Variants in DDX10 observed in about 807,000 individuals in gnomAD.
DDX10 encodes the protein probable ATP-dependent RNA helicase DDX10.
DDX10 carries 74 observed loss-of-function variants against 104.3 expected under a neutral mutation model. The ratio of observed to expected loss-of-function variants is 0.71; its 90% CI spans 0.59 to 0.86. The LOEUF (loss-of-function observed/expected upper bound fraction) is 0.86, where lower values mean the gene tolerates loss of function less well. Among genes scored for constraint, DDX10 ranks in the 40% least tolerant of loss-of-function variants. The pLI is 0.00. For synonymous variants in DDX10, 351 were observed against 353.4 expected, an observed-to-expected ratio of 0.99 and a Z score of 0.08; for missense variants, 952 against 1,040.0, an observed-to-expected ratio of 0.92 and a Z score of 1.16.
At chr11:108,776,275 G>T (rs1445009645) in intron 13 of DDX10, among the ~76,000 whole-genome samples, 1 of 152,132 alleles carries the variant, frequency 6.6e-6, no homozygotes. Flanking sequence ...ATTTCTATCT[G>T]AGCTCCTTGG....
At chr11:108,794,884 T>C (rs1861918271) in intron 13 of DDX10, among the ~76,000 whole-genome samples, 1 of 89,436 alleles carries the variant, frequency 1.1e-5, no homozygotes, top group South Asian at 4.9e-4. Context: ...TGGAGTGCAG[T>C]GGCACCATTT....
chr11:108,687,448 T>G (rs1004147572), intron 6 of DDX10, among the ~76,000 whole-genome samples: 4 of 152,182 alleles, frequency 2.6e-5, no homozygotes, highest in Non-Finnish European at 5.9e-5. Context: ...TAGCTGGGAC[T>G]ATAGGCACAT....
chr11:108,735,217 G>T (rs1274937549), intron 13 of DDX10, among the ~76,000 whole-genome samples: 1 of 152,176 alleles, frequency 6.6e-6, no homozygotes, highest in Non-Finnish European at 1.5e-5. Flanking sequence ...TCTTTACCAT[G>T]AAAGTGTACA....
rs183676812 is a variant in DDX10, at chr11:108,898,736, C to T, written c.2305-19137C>T. Among the ~76,000 whole-genome samples the T allele has an allele frequency of 9.0e-4, 137 of 151,836 alleles. 1 individual carries two copies. The highest frequency in any genetic ancestry group is 3.2e-3 in the African/African-American group (134 of 41,412). On this transcript the variant is annotated intron_variant, in intron 16 of 17. Coordinates refer to ENST00000322536, the MANE Select transcript of DDX10 (RefSeq NM_004398.4). ...CCATATACAGAGACTGGGAGCCTGA[C>T]TGGTAAGAAATACTTACACTCTTGC...
At chr11:108,906,373 G>C (rs1471289466) in intron 16 of DDX10, among the ~76,000 whole-genome samples, 1 of 152,218 alleles carries the variant, frequency 6.6e-6, no homozygotes, top group Non-Finnish European at 1.5e-5. Flanking sequence ...TTGAGGATAT[G>C]ACTGCCAAAC....
chr11:108,878,600 A>G (rs1432860374), intron 16 of DDX10, among the ~76,000 whole-genome samples: 1 of 152,210 alleles, frequency 6.6e-6, no homozygotes, highest in Non-Finnish European at 1.5e-5. Context: ...TCTTATGACA[A>G]AGACTTCCTA....
chr11:108,773,528 C>T (rs2094366032), intron 13 of DDX10, among the ~76,000 whole-genome samples: 1 of 152,068 alleles, frequency 6.6e-6, no homozygotes, highest in South Asian at 2.1e-4. Flanking sequence ...TCTCCCTTTT[C>T]TGCTTCCAAC....
Position 108,675,581 on chromosome 11 carries a change from C to A in DDX10, c.248-15C>A. 1 of 1,612,150 alleles carries A rather than the reference C, an allele frequency of 6.2e-7. No individual in the cohort carries two copies. The highest frequency in any genetic ancestry group is 8.5e-7 in the Non-Finnish European group (1 of 1,179,202). The stretch of plus-strand genomic sequence containing the variant: ...GGGATCTTCTAAAGTATAATTCTTC[C>A]CTCCATGTTGCCAGGTTTGCAAGAA... On this transcript the variant is annotated splice_polypyrimidine_tract_variant and intron_variant, in intron 2 of 17. Transcript: ENST00000322536.
chr11:108,795,622 C>G (rs895454073), intron 13 of DDX10, among the ~76,000 whole-genome samples: 1 of 151,576 alleles, frequency 6.6e-6, no homozygotes, highest in Non-Finnish European at 1.5e-5. Flanking sequence ...ATAGTTTGCT[C>G]AGAATGATGG....
chr11:108,768,787 G>A (rs2094359395), intron 13 of DDX10, among the ~76,000 whole-genome samples: 1 of 151,670 alleles, frequency 6.6e-6, no homozygotes. Context: ...CCTCTTCCTC[G>A]GATATCCTAT....
chr11:108,792,200 T>A (rs1412689044), intron 13 of DDX10, among the ~76,000 whole-genome samples: 3 of 152,226 alleles, frequency 2.0e-5, no homozygotes, highest in African/African-American at 2.4e-5. Context: ...TGTAAAGTTC[T>A]TGGATTCTGT....
intron 15 of DDX10, among the ~76,000 whole-genome samples, chr11:108,846,000 C>T (rs1314151681): frequency 6.6e-6 from 1 of 152,158 alleles, no homozygotes; most frequent in Non-Finnish European, 1.5e-5. Context: ...CTTTGAATCA[C>T]ATTTTTCATC....
intron 11 of DDX10, 142 bp downstream of exon 11, chr11:108,716,108 T>A: frequency 1.6e-6 from 1 of 627,456 alleles, no homozygotes; most frequent in South Asian, 1.7e-5. Context: ...GCTTATTTTT[T>A]TTTTTGAGAT....
rs373175811 is a variant in DDX10 at position 108,665,266 on chromosome 11, G to A, written c.113G>A (p.Arg38Lys). Residue 38 changes from arginine to lysine, a missense_variant, in exon 1 of 18, where the codon AGG becomes AAG. Coordinates refer to ENST00000322536, the MANE Select transcript of DDX10 (RefSeq NM_004398.4). Reference sequence around the variant, plus strand: ...AGGCAGAACAAAAAGAAGCAGTTGAGGAAGCAACTGAAGAAACCCGAATGG... The same window carrying A: ...AGGCAGAACAAAAAGAAGCAGTTGAAGAAGCAACTGAAGAAACCCGAATGG... The part of the protein sequence containing the change: ...SHRQNKKKQL[R>K]KQLKKPEWQV... 7 of 1,610,360 alleles carry A rather than the reference G, an allele frequency of 4.3e-6. No homozygotes were observed. Among genetic ancestry groups the A allele is most frequent in the Non-Finnish European group, 5.9e-6 (7 of 1,178,606 alleles).
chr11:108,806,795 CTG>C (rs1862107825), intron 13 of DDX10, among the ~76,000 whole-genome samples: 1 of 151,944 alleles, frequency 6.6e-6, no homozygotes, highest in South Asian at 2.1e-4. Context: ...AGAGGGGGGA[CTG>C]TGTGAAGGCC....
chr11:108,871,951 A>G (rs988577063), intron 16 of DDX10, among the ~76,000 whole-genome samples: 2 of 151,984 alleles, frequency 1.3e-5, no homozygotes, highest in Non-Finnish European at 2.9e-5. Context: ...TTAAGCTTTG[A>G]TAGGGTGAAT....
intron 13 of DDX10, among the ~76,000 whole-genome samples, chr11:108,810,733 C>G (rs900199282): frequency 1.1e-4 from 16 of 152,148 alleles, no homozygotes; most frequent in African/African-American, 3.9e-4. Flanking sequence ...ACACACACAA[C>G]TAGAAATCCT....
In DDX10 at chr11:108,723,222, T is replaced by G; in HGVS notation, c.1725T>G (p.Asn575Lys). 2.5e-6 allele frequency: 4 copies of G among 1,613,610 alleles called. No homozygotes were observed. Among genetic ancestry groups the G allele is most frequent in the Non-Finnish European group, 3.4e-6 (4 of 1,179,834 alleles). Residue 575 changes from asparagine (N) to lysine (K), a missense_variant, in exon 13 of 18, where the codon AAT becomes AAG. Around this residue, in one of 3 missense-constraint regions of DDX10, gnomAD observed 533 missense variants for 534.1 expected, o/e 1.00. Coordinates refer to ENST00000322536, the MANE Select transcript of DDX10 (RefSeq NM_004398.4). ...RLEGTEHRQD[N>K]DTGNEEQEEE... ...AAGGGACAGAGCACAGACAGGATAATGATACTGGTAATGAAGAACAGGAAG... is the reference window on the plus strand; with the variant it reads ...AAGGGACAGAGCACAGACAGGATAAGGATACTGGTAATGAAGAACAGGAAG...
intron 9 of DDX10, among the ~76,000 whole-genome samples, chr11:108,694,621 C>G (rs749091452): frequency 6.6e-5 from 10 of 152,204 alleles, no homozygotes; most frequent in Non-Finnish European, 1.5e-4. Flanking sequence ...TGGCTCATGC[C>G]TGTAATCCCA....
Sources: gnomAD v4.1 joint callset for allele counts (sites outside exome capture counted in the v4.1 genomes callset) on GRCh38, gnomAD v4.1.1 for gene constraint, gnomAD v4.1.1 regional missense constraint, MANE v1.5 for transcripts, NCBI Gene and HGNC (gene_info 2026-07-23, HGNC 2026-07-21) for gene names.